ATP9B: variants seen among roughly 807,000 people sequenced by gnomAD.
ATP9B encodes the protein probable phospholipid-transporting ATPase IIB.
A neutral mutation model predicts 146.1 loss-of-function variants in ATP9B; 110 were observed. The ratio of observed to expected loss-of-function variants is 0.75; its 90% CI spans 0.65 to 0.88. ATP9B has a LOEUF of 0.88. Ranked by LOEUF, ATP9B falls within the 40% of genes least tolerant of loss-of-function variation. ATP9B has a pLI of 0.00. For synonymous variants in ATP9B, 604 were observed against 569.7 expected, an observed-to-expected ratio of 1.06 and a Z score of -0.86; for missense variants, 1,499 against 1,496.4, an observed-to-expected ratio of 1.00 and a Z score of -0.03.
chr18:79,330,154 G>GTA, intron 17 of ATP9B, 50 bp downstream of exon 17: 1 of 1,510,904 alleles, frequency 6.6e-7, no homozygotes, highest in Non-Finnish European at 9.2e-7. Flanking sequence ...GGAAGAGGAG[G>GTA]TATGTGAGTG....
At chr18:79,269,021 A>G (rs115298752) in intron 12 of ATP9B, among the ~76,000 whole-genome samples, 1,635 of 152,238 alleles carry the variant, frequency 0.011, 35 homozygotes, top group African/African-American at 0.038. Context: ...TCTACCCTAC[A>G]TAATGTGTTG....
chr18:79,239,512 C>T lies in ATP9B; in HGVS notation c.1108-13869C>T, dbSNP rs1280737842. Among the ~76,000 whole-genome samples, 2 of 152,096 alleles carry T rather than the reference C, an allele frequency of 1.3e-5. No individual in the cohort carries two copies. Among genetic ancestry groups the T allele is most frequent in the Non-Finnish European group, 2.9e-5 (2 of 68,030 alleles). ...ACAGGGACGTAGGACGATGGTGTCACGGCACTTAAAATTGTCTTCAGAGGA... is the reference window on the plus strand; with the variant it reads ...ACAGGGACGTAGGACGATGGTGTCATGGCACTTAAAATTGTCTTCAGAGGA... On this transcript the variant is annotated intron_variant, in intron 11 of 29. Coordinates refer to ENST00000426216, the MANE Select transcript of ATP9B (RefSeq NM_198531.5). This position sits in a 1 kb window ranked among gnomAD's most constrained non-coding sequence, Gnocchi z 5.1.
intron 7 of ATP9B, among the ~76,000 whole-genome samples, chr18:79,175,798 ACAG>A (rs951761436): frequency 1.4e-4 from 22 of 152,186 alleles, no homozygotes; most frequent in Non-Finnish European, 1.0e-4. Context: ...TTGTGCACAC[ACAG>A]CACACACAAG....
intron 13 of ATP9B, among the ~76,000 whole-genome samples, chr18:79,286,360 A>T (rs1426286126): frequency 6.6e-6 from 1 of 151,392 alleles, no homozygotes; most frequent in African/African-American, 2.4e-5. Context: ...ATTCCTAGGT[A>T]TTTTATTCTC....
intron 25 of ATP9B, among the ~76,000 whole-genome samples, chr18:79,359,057 C>T (rs902538740): frequency 6.6e-6 from 1 of 152,034 alleles, no homozygotes; most frequent in African/African-American, 2.4e-5. Context: ...CATAAGATCT[C>T]GGTGCTATTC....
intron 9 of ATP9B, among the ~76,000 whole-genome samples, chr18:79,204,211 G>A (rs2095514436): frequency 6.6e-6 from 1 of 152,216 alleles, no homozygotes; most frequent in African/African-American, 2.4e-5. Flanking sequence ...AACAAGAACA[G>A]TGTTGGAAAA....
intron 12 of ATP9B, among the ~76,000 whole-genome samples, chr18:79,272,105 G>A (rs945681922): frequency 7.2e-5 from 11 of 152,204 alleles, no homozygotes; most frequent in African/African-American, 2.2e-4. Flanking sequence ...TTGTAAGTTT[G>A]TTTGAGTTCA....
At chr18:79,104,660 A>G (rs1599575898) in intron 2 of ATP9B, among the ~76,000 whole-genome samples, 1 of 152,206 alleles carries the variant, frequency 6.6e-6, no homozygotes, top group East Asian at 1.9e-4. Context: ...ATACTTGAAA[A>G]TATAGATGGT....
chr18:79,323,938 ACCT>A (rs1434873166), intron 15 of ATP9B, among the ~76,000 whole-genome samples: 1 of 151,798 alleles, frequency 6.6e-6, no homozygotes, highest in East Asian at 1.9e-4. Context: ...CCCTTCTCCC[ACCT>A]CCTCCCTCGC....
At chr18:79,240,700 C>T (rs890595953) in intron 11 of ATP9B, among the ~76,000 whole-genome samples, 9 of 152,216 alleles carry the variant, frequency 5.9e-5, no homozygotes, top group African/African-American at 1.9e-4. Flanking sequence ...AAGCCGAGAT[C>T]GTGCCATTTT....
intron 1 of ATP9B, among the ~76,000 whole-genome samples, chr18:79,094,403 C>T (rs984498043): frequency 2.6e-5 from 4 of 152,158 alleles, no homozygotes; most frequent in African/African-American, 9.7e-5. Context: ...AGGGTTTTCT[C>T]TCAGAGTTTT....
At chr18:79,262,272 A>G (rs916305795) in intron 12 of ATP9B, among the ~76,000 whole-genome samples, 23 of 152,094 alleles carry the variant, frequency 1.5e-4, no homozygotes, top group African/African-American at 5.6e-4. Context: ...TTTTTTAAAT[A>G]TATTTTTCTT....
At chr18:79,253,301 C>A in intron 11 of ATP9B, 80 bp from the exon 12 acceptor site, 3 of 1,249,834 alleles carry the variant, frequency 2.4e-6, no homozygotes, top group Non-Finnish European at 3.3e-6. Flanking sequence ...TTTTTTATGT[C>A]ATCACTACCA....
Position 79,373,944 on chromosome 18 carries a change from C to T in ATP9B, c.3117C>T (p.Phe1039=), listed in dbSNP as rs1211699786. 2 of 1,613,656 alleles carry T rather than the reference C, an allele frequency of 1.2e-6. No individual in the cohort carries two copies. Among genetic ancestry groups the T allele is most frequent in the Non-Finnish European group, 1.7e-6 (2 of 1,180,024 alleles). The stretch of plus-strand genomic sequence containing the variant: ...CCCTGGTGCTCTTCGAGTCTGAGTT[C>T]GTCCACGTGGTGGCCATCTCCTTCA... ...YGALVLFESE[F]VHVVAISFTA... is the part of the protein sequence containing the mutation. The change falls in exon 28 of 30, where the codon TTC becomes TTT. Residue 1039 remains phenylalanine (F), a synonymous_variant. Transcript: ENST00000426216.
chr18:79,187,730 G>A (rs1027830131), intron 8 of ATP9B, among the ~76,000 whole-genome samples: 2 of 152,164 alleles, frequency 1.3e-5, no homozygotes, highest in African/African-American at 2.4e-5. Context: ...TAGCATTGCT[G>A]TTATAATTCC....
At position 79,143,659 on chromosome 18, in the gene ATP9B, ACTGT is replaced by A. The variant is rs1277064711; in HGVS notation, c.668-139_668-136del. The A allele has an allele frequency of 3.7e-5, 17 of 460,538 alleles. No individual in the cohort carries two copies. The Admixed American group carries it at 4.2e-4, about 11-fold the overall frequency. 28.5% of individuals were successfully genotyped at this position (460,538 alleles called of 1,614,324 possible). The stretch of plus-strand genomic sequence containing the variant: ...TACTAAGAGAAGTTAATTATTAGTG[ACTGT>A]CTGAAAGTACAAGTATAGGGAAATT... On this transcript the variant is annotated intron_variant, in intron 5 of 29. Transcript: ENST00000426216.
chr18:79,164,893 T>C (rs1446386083), intron 7 of ATP9B, among the ~76,000 whole-genome samples: 1 of 152,066 alleles, frequency 6.6e-6, no homozygotes, highest in Admixed American at 6.5e-5. Context: ...GGAAATACTT[T>C]TAGGAGGTTC....
chr18:79,097,030 C>G (rs1373618513), intron 2 of ATP9B, among the ~76,000 whole-genome samples: 2 of 151,828 alleles, frequency 1.3e-5, no homozygotes, highest in Non-Finnish European at 2.9e-5. Context: ...AGATTGTGAG[C>G]TCCTGTAATC....
chr18:79,089,606 T>G (rs894778684), intron 1 of ATP9B, among the ~76,000 whole-genome samples: 1 of 151,428 alleles, frequency 6.6e-6, no homozygotes, highest in Non-Finnish European at 1.5e-5. Context: ...TCCAGTCTTA[T>G]GAAAAAAAAT....
Sources: allele counts gnomAD v4.1 joint callset (sites outside exome capture counted in the v4.1 genomes callset), GRCh38; gene constraint gnomAD v4.1.1; non-coding constraint Gnocchi (gnomAD v3.1); transcripts MANE v1.5; gene names NCBI Gene and HGNC (gene_info 2026-07-23, HGNC 2026-07-21).